MICU1: variants seen among roughly 807,000 people sequenced by gnomAD.
The protein encoded by MICU1 is mitochondrial calcium uptake 1.
Under a neutral mutation model 56.8 loss-of-function variants are expected in MICU1, and 45 were observed. The observed-to-expected ratio is 0.79, with a 90% CI of 0.62 to 1.02. The LOEUF (loss-of-function observed/expected upper bound fraction) is 1.02, where lower values mean the gene tolerates loss of function less well. Ranked by LOEUF, MICU1 falls within the 50% of genes least tolerant of loss-of-function variation. The pLI, the probability that MICU1 is intolerant of heterozygous loss-of-function variation, is 0.00. For missense variants in MICU1, 504 were observed against 587.1 expected, an observed-to-expected ratio of 0.86 and a Z score of 1.46; for synonymous variants, 186 against 195.1, an observed-to-expected ratio of 0.95 and a Z score of 0.39.
At chr10:72,555,186 GA>G (rs1420444569) in intron 3 of MICU1, among the ~76,000 whole-genome samples, 1 of 152,144 alleles carries the variant, frequency 6.6e-6, no homozygotes, top group Non-Finnish European at 1.5e-5. Flanking sequence ...AGAACATGAA[GA>G]TCATTATCAT....
At chr10:72,499,505 C>T (rs533578588) in intron 6 of MICU1, among the ~76,000 whole-genome samples, 2 of 152,276 alleles carry the variant, frequency 1.3e-5, no homozygotes, top group East Asian at 1.9e-4. Flanking sequence ...TTACAATATG[C>T]AAATGAGTAT....
intron 2 of MICU1, among the ~76,000 whole-genome samples, chr10:72,566,034 ATTTTCTT>A (rs1840425113): frequency 1.3e-5 from 1 of 78,206 alleles, no homozygotes; most frequent in South Asian, 3.6e-4. Flanking sequence ...GAAAGCATTC[ATTTTCTT>A]TTTTTTTTTT....
chr10:72,461,128 T>C (rs530217449), intron 8 of MICU1, among the ~76,000 whole-genome samples: 4 of 152,336 alleles, frequency 2.6e-5, no homozygotes, highest in African/African-American at 9.6e-5. Flanking sequence ...AATTTTAATC[T>C]GTTTCTTAAT....
intron 1 of MICU1, among the ~76,000 whole-genome samples, chr10:72,612,424 A>G (rs1005190185): frequency 1.3e-5 from 2 of 152,206 alleles, no homozygotes; most frequent in African/African-American, 4.8e-5. Flanking sequence ...TTTCCTATAG[A>G]GCATGAAATT....
At chr10:72,560,930 T>G (rs1303819031) in intron 3 of MICU1, among the ~76,000 whole-genome samples, 1 of 152,090 alleles carries the variant, frequency 6.6e-6, no homozygotes, top group Admixed American at 6.6e-5. Flanking sequence ...ATTTCTTAAA[T>G]TATAGATAAA....
intron 6 of MICU1, among the ~76,000 whole-genome samples, chr10:72,498,367 C>T: frequency 6.6e-6 from 1 of 152,162 alleles, no homozygotes; most frequent in East Asian, 1.9e-4. Context: ...GGGCGGATCA[C>T]CTGAGGTCAG....
chr10:72,552,846 G>A (rs762197587), intron 3 of MICU1, among the ~76,000 whole-genome samples: 1 of 152,198 alleles, frequency 6.6e-6, no homozygotes, highest in Non-Finnish European at 1.5e-5. Context: ...GAGCCACCAC[G>A]CCCAGCCTTT....
chr10:72,441,416 G>A (rs1864923725), intron 8 of MICU1, among the ~76,000 whole-genome samples: 1 of 150,434 alleles, frequency 6.6e-6, no homozygotes, highest in East Asian at 2.0e-4. Flanking sequence ...GGGGTGGGGG[G>A]CTGGGGAAGG....
chr10:72,608,223 C>T (rs1050650839), intron 1 of MICU1, among the ~76,000 whole-genome samples: 1 of 152,120 alleles, frequency 6.6e-6, no homozygotes, highest in Non-Finnish European at 1.5e-5. Context: ...CATGTGCCAC[C>T]AAGCCCCGCT....
rs906969315 is a variant in MICU1, at chr10:72,616,662, A to AC, written c.-2+9347_-2+9348insG. Among the ~76,000 whole-genome samples the AC allele has an allele frequency of 6.5e-4, 99 of 152,142 alleles. 1 individual carries two copies. Among genetic ancestry groups the AC allele is most frequent in the South Asian group, 1.2e-3 (6 of 4,804 alleles). ...ACTCTGGTTGGTGGGAAAAAAAAAA[A>AC]AAAAACACACTATTCCTAATTCGGC... On this transcript the variant is annotated intron_variant, in intron 1 of 11. Coordinates refer to ENST00000361114, the MANE Select transcript of MICU1 (RefSeq NM_001195518.2).
At chr10:72,446,333 CG>C (rs1865102672) in intron 8 of MICU1, among the ~76,000 whole-genome samples, 1 of 150,044 alleles carries the variant, frequency 6.7e-6, no homozygotes, top group African/African-American at 2.5e-5. Flanking sequence ...ATTTTTGTTT[CG>C]TTTTTTTGAG....
intron 6 of MICU1, among the ~76,000 whole-genome samples, chr10:72,488,018 G>T (rs1263889485): frequency 1.3e-5 from 2 of 151,912 alleles, no homozygotes; most frequent in Admixed American, 1.3e-4. Flanking sequence ...CCAACATGGA[G>T]AAACCCCGTC....
At chr10:72,550,082 T>C (rs1236365692) in intron 4 of MICU1, among the ~76,000 whole-genome samples, 2 of 152,218 alleles carry the variant, frequency 1.3e-5, no homozygotes, top group Non-Finnish European at 2.9e-5. Context: ...TCCTATTGCC[T>C]AGTGACTTTG....
At chr10:72,592,431 A>C (rs1246346451) in intron 1 of MICU1, among the ~76,000 whole-genome samples, 1 of 152,184 alleles carries the variant, frequency 6.6e-6, no homozygotes, top group Non-Finnish European at 1.5e-5. Context: ...CCTACTAAGA[A>C]CATTTCCACA....
intron 6 of MICU1, among the ~76,000 whole-genome samples, chr10:72,505,485 C>T (rs1490284844): frequency 6.6e-6 from 1 of 152,138 alleles, no homozygotes; most frequent in African/African-American, 2.4e-5. Context: ...GAAAATAAAT[C>T]GTTCTACCAA....
chr10:72,491,121 T>C (rs535681379), intron 6 of MICU1, among the ~76,000 whole-genome samples: 2 of 152,298 alleles, frequency 1.3e-5, no homozygotes, highest in South Asian at 4.1e-4. Flanking sequence ...GTGAGACCAA[T>C]GTGGTCAAGA....
At chr10:72,421,544 G>A (rs1864175288) in intron 9 of MICU1, among the ~76,000 whole-genome samples, 1 of 152,164 alleles carries the variant, frequency 6.6e-6, no homozygotes, top group African/African-American at 2.4e-5. Flanking sequence ...CAAAGCGTTA[G>A]GATTACAGGC....
At chr10:72,484,837 G>A (rs1307374318) in intron 6 of MICU1, among the ~76,000 whole-genome samples, 1 of 152,162 alleles carries the variant, frequency 6.6e-6, no homozygotes, top group East Asian at 1.9e-4. Context: ...AGACATGCAA[G>A]GACTTTGAAA....
At chr10:72,577,392 C>G (rs1840775817) in intron 1 of MICU1, among the ~76,000 whole-genome samples, 2 of 151,862 alleles carry the variant, frequency 1.3e-5, no homozygotes, top group Non-Finnish European at 2.9e-5. Flanking sequence ...GCCTGTAATC[C>G]CAGCTACTCG....
Sources: allele counts gnomAD v4.1 joint callset (sites outside exome capture counted in the v4.1 genomes callset), GRCh38; gene constraint gnomAD v4.1.1; transcripts MANE v1.5; gene names NCBI Gene and HGNC (gene_info 2026-07-23, HGNC 2026-07-21).